The following PTPRQ variants were observed in gnomAD, a reference collection of about 807,000 sequenced individuals.
PTPRQ encodes the protein phosphatidylinositol phosphatase PTPRQ.
PTPRQ carries 199 observed loss-of-function variants against 246.0 expected under a neutral mutation model. That is an observed-to-expected ratio of 0.81 (90% confidence interval 0.72 to 0.91). PTPRQ has a LOEUF of 0.91. Among genes scored for constraint, PTPRQ ranks in the 40% least tolerant of loss-of-function variants. The probability of loss-of-function intolerance (pLI) is 0.00; values close to 1 mark genes in which losing one functional copy is unlikely to be tolerated. For missense variants in PTPRQ, 2,624 were observed against 2,528.4 expected (o/e 1.04, Z -0.81); for synonymous variants, 869 against 853.2 (o/e 1.02, Z -0.32).
In PTPRQ at chr12:80,546,678, A is replaced by G; in HGVS notation, c.3996A>G (p.Lys1332=). Residue 1332 remains lysine, a synonymous_variant, in exon 24 of 45, where the codon AAA becomes AAG. Coordinates refer to ENST00000644991, the MANE Select transcript of PTPRQ (RefSeq NM_001145026.2). ...GNGNQFSNVV[K]FTTQESVPDV... ...GCAATCAATTTAGTAATGTAGTAAA[A>G]TTCACAACCCAAGAATCAGGTTAGA... The G allele has an allele frequency of 6.4e-7, 1 of 1,551,292 alleles. No homozygotes were observed. Among genetic ancestry groups the G allele is most frequent in the Non-Finnish European group, 8.7e-7 (1 of 1,146,806 alleles).
chr12:80,480,604 C>T (rs997133562), intron 8 of PTPRQ, among the ~76,000 whole-genome samples: 2 of 150,662 alleles, frequency 1.3e-5, no homozygotes, highest in African/African-American at 2.4e-5. Context: ...TTGAAAGGAT[C>T]AACAAAATAC....
chr12:80,468,890 A>G, intron 7 of PTPRQ, 52 bp downstream of exon 7: 2 of 1,523,586 alleles, frequency 1.3e-6, no homozygotes, highest in African/African-American at 1.4e-5. Flanking sequence ...ATAATAAAAT[A>G]TGTTACCAAT....
At chr12:80,476,161 T>A (rs1893804244) in intron 8 of PTPRQ, among the ~76,000 whole-genome samples, 1 of 152,090 alleles carries the variant, frequency 6.6e-6, no homozygotes, top group Non-Finnish European at 1.5e-5. Context: ...GCATAAAAAC[T>A]GCAAAATAAA....
chr12:80,448,720 C>A (rs1892637987), intron 3 of PTPRQ, among the ~76,000 whole-genome samples: 1 of 149,592 alleles, frequency 6.7e-6, no homozygotes, highest in Admixed American at 6.7e-5. Flanking sequence ...TTTTTTATGG[C>A]TGCATAGTAT....
intron 25 of PTPRQ, among the ~76,000 whole-genome samples, chr12:80,558,086 C>T (rs1330591008): frequency 1.5e-5 from 2 of 130,244 alleles, no homozygotes; most frequent in African/African-American, 5.8e-5. Context: ...CCCTCCCCTT[C>T]CCTCCCTCCC....
At chr12:80,579,087 T>G in intron 25 of PTPRQ, among the ~76,000 whole-genome samples, 1 of 152,196 alleles carries the variant, frequency 6.6e-6, no homozygotes, top group East Asian at 1.9e-4. Flanking sequence ...CTCCTAATTA[T>G]TTTTAACCTA....
chr12:80,636,870 G>A (rs1459393764), intron 35 of PTPRQ, among the ~76,000 whole-genome samples: 2 of 152,194 alleles, frequency 1.3e-5, no homozygotes, highest in East Asian at 1.9e-4. Flanking sequence ...GGTTACATTC[G>A]AGGCAGACTG....
chr12:80,501,942 CAAA>C (rs10679738), intron 14 of PTPRQ, among the ~76,000 whole-genome samples: 1 of 147,828 alleles, frequency 6.8e-6, no homozygotes, highest in African/African-American at 2.5e-5. Flanking sequence ...GTATGATAGG[CAAA>C]AAAAAATGTA....
At chr12:80,597,688 G>A (rs1421986290) in intron 26 of PTPRQ, among the ~76,000 whole-genome samples, 28 of 151,784 alleles carry the variant, frequency 1.8e-4, no homozygotes, top group Non-Finnish European at 4.4e-5. Flanking sequence ...ATGGCATGTC[G>A]ACGTTATAGA....
At chr12:80,549,852 A>C in intron 25 of PTPRQ, 118 bp downstream of exon 25, 1 of 1,354,266 alleles carries the variant, frequency 7.4e-7, no homozygotes. Context: ...ATATTAAAAA[A>C]TACAACACAG....
At chr12:80,565,315 A>G (rs1167161091) in intron 25 of PTPRQ, among the ~76,000 whole-genome samples, 2 of 152,176 alleles carry the variant, frequency 1.3e-5, no homozygotes, top group African/African-American at 2.4e-5. Flanking sequence ...AGTGGACTCC[A>G]GGCAGCCACT....
intron 23 of PTPRQ, among the ~76,000 whole-genome samples, chr12:80,543,775 A>G (rs1896224282): frequency 6.6e-6 from 1 of 152,096 alleles, no homozygotes. Flanking sequence ...ATTACTTTAA[A>G]ACTTGATAGT....
chr12:80,449,917 T>G (rs1892694044), intron 3 of PTPRQ, among the ~76,000 whole-genome samples: 4 of 152,184 alleles, frequency 2.6e-5, no homozygotes, highest in African/African-American at 9.7e-5. Context: ...GTGAAGAAAG[T>G]CATTGGTAGC....
intron 8 of PTPRQ, among the ~76,000 whole-genome samples, chr12:80,479,804 A>G (rs1258351252): frequency 6.6e-6 from 1 of 152,178 alleles, no homozygotes; most frequent in East Asian, 1.9e-4. Context: ...TGGTAAAGGG[A>G]TCAATTCAAC....
intron 33 of PTPRQ, among the ~76,000 whole-genome samples, chr12:80,628,132 T>C (rs1899276316): frequency 6.6e-6 from 1 of 152,130 alleles, no homozygotes; most frequent in African/African-American, 2.4e-5. Context: ...TCATGCCTCC[T>C]TTCCCAAGCA....
At position 80,679,249 on chromosome 12, in the gene PTPRQ, TAAGAA is replaced by T; in HGVS notation, c.*231_*235del. On this transcript the variant is annotated 3_prime_UTR_variant, in exon 45 of 45. Coordinates refer to ENST00000644991, the MANE Select transcript of PTPRQ (RefSeq NM_001145026.2). The stretch of plus-strand genomic sequence containing the variant: ...ATAAATATTATGCATTTTAAATGCT[TAAGAA>T]AAGACATCCCATATGTTTTTGAAGT... 2.4e-6 allele frequency: 1 copy of T among 412,558 alleles called. No homozygotes were observed. Among genetic ancestry groups the T allele is most frequent in the East Asian group, 4.1e-5 (1 of 24,206 alleles). The allele number at this position is 412,558 out of a possible 1,614,324, so 25.6% of individuals were successfully genotyped here. A position where few individuals can be genotyped will look rare whatever the true frequency, so the allele number is the denominator to read the frequency against.
At chr12:80,620,048 G>A (rs147329869) in intron 31 of PTPRQ, 106 bp from the exon 32 acceptor site, 7 of 1,339,314 alleles carry the variant, frequency 5.2e-6, no homozygotes, top group Non-Finnish European at 6.9e-6. Flanking sequence ...GGTGACTGAT[G>A]TTGCATCGAG....
chr12:80,543,326 G>A (rs960590210), intron 23 of PTPRQ, among the ~76,000 whole-genome samples: 2 of 115,480 alleles, frequency 1.7e-5, no homozygotes, highest in Admixed American at 1.0e-4. Flanking sequence ...GGTCTTTTAC[G>A]ATATATCCTT....
At chr12:80,487,350 C>T (rs370748328) in intron 9 of PTPRQ, among the ~76,000 whole-genome samples, 1 of 152,148 alleles carries the variant, frequency 6.6e-6, no homozygotes, top group African/African-American at 2.4e-5. Flanking sequence ...CCACAGGGCA[C>T]CCATAAGGTC....
Sources: allele counts gnomAD v4.1 joint callset (sites outside exome capture counted in the v4.1 genomes callset), GRCh38; gene constraint gnomAD v4.1.1; transcripts MANE v1.5; gene names NCBI Gene and HGNC (gene_info 2026-07-23, HGNC 2026-07-21).